The following ADORA2A variants were observed in gnomAD, a reference collection of about 807,000 sequenced individuals.
ADORA2A encodes the protein adenosine A2a receptor.
Under a neutral mutation model 18.4 loss-of-function variants are expected in ADORA2A, and 11 were observed. The ratio of observed to expected loss-of-function variants is 0.60; its 90% CI spans 0.38 to 0.99. The LOEUF is 0.99. Among genes scored for constraint, ADORA2A ranks in the 50% least tolerant of loss-of-function variants. The pLI, the probability that ADORA2A is intolerant of heterozygous loss-of-function variation, is 0.01. For synonymous variants in ADORA2A, 218 were observed against 237.3 expected (o/e 0.92, Z 0.75); for missense variants, 449 against 556.1 (o/e 0.81, Z 1.94).
At position 24,441,108 on chromosome 22, in the gene ADORA2A, C is replaced by T. The variant is rs1256439434; in HGVS notation, c.858C>T (p.Phe286=). Residue 286 remains phenylalanine, a synonymous_variant, in exon 3 of 3, where the codon TTC becomes TTT. Coordinates refer to ENST00000337539, the MANE Select transcript of ADORA2A (RefSeq NM_000675.6). ...LSHTNSVVNP[F]IYAYRIREFR... ...ACACCAATTCGGTTGTGAATCCCTTCATCTACGCCTACCGTATCCGCGAGT... is the reference window on the plus strand; with the variant it reads ...ACACCAATTCGGTTGTGAATCCCTTTATCTACGCCTACCGTATCCGCGAGT... The T allele has an allele frequency of 6.2e-7, 1 of 1,614,152 alleles. No homozygotes were observed. The highest frequency in any genetic ancestry group is 1.3e-5 in the African/African-American group (1 of 75,066).
At chr22:24,435,517 G>T (rs1017247161) in intron 2 of ADORA2A, among the ~76,000 whole-genome samples, 9 of 152,170 alleles carry the variant, frequency 5.9e-5, no homozygotes, top group African/African-American at 2.2e-4. Context: ...TTCCTTCTCT[G>T]TTTTCTGAGA....
In ADORA2A at chr22:24,440,942, C is replaced by A; in HGVS notation, c.692C>A (p.Ala231Asp). The A allele has an allele frequency of 6.2e-7, 1 of 1,614,186 alleles. No individual in the cohort carries two copies. Among genetic ancestry groups the A allele is most frequent in the Non-Finnish European group, 8.5e-7 (1 of 1,180,028 alleles). ...ARSTLQKEVH[A>D]AKSLAIIVGL... is the part of the protein sequence containing the mutation. The stretch of plus-strand genomic sequence containing the variant: ...TCCACACTGCAGAAGGAGGTCCATG[C>A]TGCCAAGTCACTGGCCATCATTGTG... The change falls in exon 3 of 3, where the codon GCT becomes GAT. Residue 231 changes from alanine to aspartate, a missense_variant. Transcript: ENST00000337539.
At chr22:24,424,333 G>A (rs2042893657), upstream of ADORA2A, 4 of 152,582 alleles carry the variant, frequency 2.6e-5, 1 homozygote, top group South Asian at 2.1e-4. The surrounding 1 kb of genome is among the most constrained non-coding windows in gnomAD (Gnocchi z 4.9). Flanking sequence ...GCGGCGCGGG[G>A]TGCGGAGCCG....
At chr22:24,427,959 G>A (rs989857846) in intron 1 of ADORA2A, among the ~76,000 whole-genome samples, 2 of 152,206 alleles carry the variant, frequency 1.3e-5, no homozygotes, top group Admixed American at 6.5e-5. Flanking sequence ...CTGCCACCAG[G>A]AGCAGAGAGC....
intron 2 of ADORA2A, among the ~76,000 whole-genome samples, chr22:24,439,904 T>C (rs1281532235): frequency 6.6e-6 from 1 of 152,168 alleles, no homozygotes. Flanking sequence ...GTGGGTGGGT[T>C]TGGAGGGGAG....
chr22:24,427,240 G>A (rs1443209177), upstream of ADORA2A, among the ~76,000 whole-genome samples: 2 of 152,178 alleles, frequency 1.3e-5, no homozygotes, highest in Admixed American at 1.3e-4. Context: ...CAGTGGGGAA[G>A]AAGCAGTGGC....
At chr22:24,431,179 C>G (rs1472861741) in intron 1 of ADORA2A, 1 of 456,660 alleles carries the variant, frequency 2.2e-6, no homozygotes, top group Admixed American at 2.3e-5. Context: ...CTGGCAAGTG[C>G]TCCATGGAAA....
At chr22:24,437,746 G>T (rs1025254993) in intron 2 of ADORA2A, among the ~76,000 whole-genome samples, 1 of 152,228 alleles carries the variant, frequency 6.6e-6, no homozygotes, top group Non-Finnish European at 1.5e-5. Flanking sequence ...CCCCACACGG[G>T]ACTTTCTTTG....
At chr22:24,436,359 T>C (rs756659181) in intron 2 of ADORA2A, among the ~76,000 whole-genome samples, 1 of 152,182 alleles carries the variant, frequency 6.6e-6, no homozygotes, top group Non-Finnish European at 1.5e-5. Context: ...TCCATTCGGC[T>C]AGCCCTGGGT....
rs1179992637 is a variant in ADORA2A, at chr22:24,442,066, CT to C, written c.*578del. On this transcript the variant is annotated 3_prime_UTR_variant, in exon 3 of 3. Transcript: ENST00000337539. ...GCACCAGAGCCTCTGCCCGGGGAGCCTCAGGCAGTCCTCTCCTGCTGTCACA... is the reference window on the plus strand; with the variant it reads ...GCACCAGAGCCTCTGCCCGGGGAGCCCAGGCAGTCCTCTCCTGCTGTCACA... 1.3e-5 allele frequency: 2 copies of C among 152,876 alleles called. No individual in the cohort carries two copies. Among genetic ancestry groups the C allele is most frequent in the East Asian group, 3.8e-4 (2 of 5,242 alleles). 9.5% of individuals were successfully genotyped at this position (152,876 alleles called of 1,614,324 possible).
chr22:24,430,685 G>A (rs1044670787), intron 1 of ADORA2A, among the ~76,000 whole-genome samples: 1 of 152,364 alleles, frequency 6.6e-6, no homozygotes, highest in Non-Finnish European at 1.5e-5. Flanking sequence ...TTTGGCAGAC[G>A]TGTTATGTTC....
At position 24,441,273 on chromosome 22, in the gene ADORA2A, C is replaced by T. The variant is rs1484855293; in HGVS notation, c.1023C>T (p.His341=). Residue 341 remains histidine (H), a synonymous_variant, in exon 3 of 3, where the codon CAC becomes CAT. Coordinates refer to ENST00000337539, the MANE Select transcript of ADORA2A (RefSeq NM_000675.6). The stretch of plus-strand genomic sequence containing the variant: ...AGGTCAGCCTCCGTCTCAACGGCCA[C>T]CCGCCAGGAGTGTGGGCCAACGGCA... ...GEQVSLRLNG[H]PPGVWANGSA... is the part of the protein sequence containing the mutation. 1 of 1,613,030 alleles carries T rather than the reference C, an allele frequency of 6.2e-7. No individual in the cohort carries two copies. Among genetic ancestry groups the T allele is most frequent in the Non-Finnish European group, 8.5e-7 (1 of 1,179,682 alleles).
At chr22:24,439,850 T>C (rs2043289375) in intron 2 of ADORA2A, among the ~76,000 whole-genome samples, 1 of 152,194 alleles carries the variant, frequency 6.6e-6, no homozygotes, top group Non-Finnish European at 1.5e-5. Flanking sequence ...AAGATGGCCA[T>C]GTAAATGTTA....
intron 2 of ADORA2A, among the ~76,000 whole-genome samples, chr22:24,434,326 GCTC>G (rs1460732659): frequency 6.6e-6 from 1 of 152,222 alleles, no homozygotes; most frequent in Admixed American, 6.5e-5. Context: ...AAATTCTGTT[GCTC>G]CTCAAGTCAC....
At chr22:24,437,299 G>A (rs1256969473) in intron 2 of ADORA2A, among the ~76,000 whole-genome samples, 2 of 152,214 alleles carry the variant, frequency 1.3e-5, no homozygotes, top group South Asian at 2.1e-4. Context: ...GAGTGGTGGT[G>A]TGTCACGCTA....
rs934369221 is a variant in ADORA2A, at chr22:24,442,244, C to T, written c.*755C>T. Reference sequence around the variant, plus strand: ...CAGGCCACTGGCATGTGCTGAGTAGCGCAGAGCTACCCAGTGAGAGGCCTT... The same window carrying T: ...CAGGCCACTGGCATGTGCTGAGTAGTGCAGAGCTACCCAGTGAGAGGCCTT... On this transcript the variant is annotated 3_prime_UTR_variant, in exon 3 of 3. Coordinates refer to ENST00000337539, the MANE Select transcript of ADORA2A (RefSeq NM_000675.6). 6 of 152,816 alleles carry T rather than the reference C, an allele frequency of 3.9e-5. No homozygotes were observed. Among genetic ancestry groups the T allele is most frequent in the African/African-American group, 1.4e-4 (6 of 41,438 alleles). The allele number at this position is 152,816 out of a possible 1,614,324, so 9.5% of individuals were successfully genotyped here. A position where few individuals can be genotyped will look rare whatever the true frequency, so the allele number is the denominator to read the frequency against.
rs748680136 is a variant in ADORA2A, at chr22:24,433,550, C to T, written c.146C>T (p.Ala49Val). ...NVTNYFVVSLAAADIAVGVLA... is the reference protein window; with the variant it reads ...NVTNYFVVSLVAADIAVGVLA... ...ACCAACTACTTTGTGGTGTCACTGG[C>T]GGCGGCCGACATCGCAGTGGGTGTG... The change falls in exon 2 of 3, where the codon GCG (alanine) becomes GTG (valine). Residue 49 changes from alanine (A) to valine (V), a missense_variant. Coordinates refer to ENST00000337539, the MANE Select transcript of ADORA2A (RefSeq NM_000675.6). 10 of 1,614,110 alleles carry T rather than the reference C, an allele frequency of 6.2e-6. No homozygotes were observed. Among genetic ancestry groups the T allele is most frequent in the East Asian group, 2.2e-5 (1 of 44,888 alleles).
intron 1 of ADORA2A, among the ~76,000 whole-genome samples, chr22:24,428,962 G>A (rs974186178): frequency 2.0e-5 from 3 of 152,248 alleles, no homozygotes; most frequent in African/African-American, 4.8e-5. Context: ...AAAGCAGCAG[G>A]AGGGTTCTAA....
chr22:24,434,030 C>G (rs1310383300), intron 2 of ADORA2A, among the ~76,000 whole-genome samples: 2 of 152,252 alleles, frequency 1.3e-5, no homozygotes, highest in African/African-American at 4.8e-5. Flanking sequence ...TGAGTGTGGC[C>G]AGGGTCTGGC....
Sources: allele counts gnomAD v4.1 joint callset (sites outside exome capture counted in the v4.1 genomes callset), GRCh38; gene constraint gnomAD v4.1.1; non-coding constraint Gnocchi (gnomAD v3.1); transcripts MANE v1.5; gene names NCBI Gene and HGNC (gene_info 2026-07-23, HGNC 2026-07-21).